Variants in NWD2 observed in about 807,000 individuals in gnomAD.
The protein encoded by NWD2 is NACHT and WD repeat domain-containing protein 2.
Under a neutral mutation model 132.7 loss-of-function variants are expected in NWD2, and 37 were observed. The observed-to-expected ratio is 0.28, with a 90% CI of 0.21 to 0.37. The LOEUF (loss-of-function observed/expected upper bound fraction) is 0.37. Ranked by LOEUF, NWD2 falls within the 10% of genes least tolerant of loss-of-function variation. The pLI, the probability that NWD2 is intolerant of heterozygous loss-of-function variation, is 1.00. For synonymous variants in NWD2, 705 were observed against 803.0 expected (o/e 0.88, Z 2.06); for missense variants, 1,592 against 2,122.4 (o/e 0.75, Z 4.91).
chr4:37,429,286 C>CTA (rs1053760999), intron 3 of NWD2, among the ~76,000 whole-genome samples: 1 of 151,978 alleles, frequency 6.6e-6, no homozygotes, highest in African/African-American at 2.4e-5. Context: ...TCTCTTTTCT[C>CTA]TATATATATA....
intron 1 of NWD2, among the ~76,000 whole-genome samples, chr4:37,284,904 G>C (rs962673623): frequency 6.6e-6 from 1 of 152,106 alleles, no homozygotes; most frequent in Admixed American, 6.5e-5. Flanking sequence ...GGATGCCTCC[G>C]TAGGGTACTT....
chr4:37,328,666 C>T (rs1194257904), intron 2 of NWD2, among the ~76,000 whole-genome samples: 2 of 152,040 alleles, frequency 1.3e-5, no homozygotes, highest in Admixed American at 1.3e-4. Flanking sequence ...TGGGTTGGTT[C>T]CAAGTCTTTG....
In NWD2 at chr4:37,448,235, G is replaced by A. The variant is rs1712691699; in HGVS notation, c.*1018G>A. 1 of 152,162 alleles carries A rather than the reference G, an allele frequency of 6.6e-6. No homozygotes were observed. The highest frequency in any genetic ancestry group is 2.4e-5 in the African/African-American group (1 of 41,436). 9.4% of individuals were successfully genotyped at this position (152,162 alleles called of 1,614,324 possible). On this transcript the variant is annotated 3_prime_UTR_variant, in exon 7 of 7. Transcript: ENST00000309447. ...ATTCCTTCTCTTTCCTGTGTAAAAT[G>A]CAGATAGATGACCAAATACTCTGGG...
chr4:37,430,422 C>T, intron 3 of NWD2, 150 bp from the exon 4 acceptor site: 2 of 626,208 alleles, frequency 3.2e-6, no homozygotes, highest in Non-Finnish European at 5.6e-6. Context: ...CTTAGGAAAT[C>T]AACTATCCAC....
intron 1 of NWD2, among the ~76,000 whole-genome samples, chr4:37,255,895 T>A (rs553456994): frequency 7.4e-4 from 112 of 152,248 alleles, no homozygotes; most frequent in African/African-American, 2.6e-3. Context: ...TGGCACGAGC[T>A]GTGGTTCCCA....
At chr4:37,322,659 CT>C (rs1438203374) in intron 1 of NWD2, among the ~76,000 whole-genome samples, 1 of 152,082 alleles carries the variant, frequency 6.6e-6, no homozygotes, top group African/African-American at 2.4e-5. Context: ...AAAAATCAGT[CT>C]GGTTGCTCCA....
intron 1 of NWD2, among the ~76,000 whole-genome samples, chr4:37,289,765 C>T (rs960457436): frequency 6.6e-6 from 1 of 152,106 alleles, no homozygotes. Context: ...GAACATTTTT[C>T]TCATCCCCCA....
intron 1 of NWD2, among the ~76,000 whole-genome samples, chr4:37,313,111 T>C (rs1718883329): frequency 6.6e-6 from 1 of 151,162 alleles, no homozygotes; most frequent in Non-Finnish European, 1.5e-5. Flanking sequence ...TGTCTCTTCC[T>C]GGCTTTGGTA....
intron 1 of NWD2, among the ~76,000 whole-genome samples, chr4:37,277,036 A>G (rs1718032801): frequency 6.6e-6 from 1 of 152,048 alleles, no homozygotes. Context: ...CTAGTGTTGA[A>G]TGACGAGTTA....
intron 3 of NWD2, among the ~76,000 whole-genome samples, chr4:37,382,166 A>G (rs1240682049): frequency 2.0e-5 from 3 of 152,228 alleles, no homozygotes; most frequent in Non-Finnish European, 4.4e-5. Flanking sequence ...GCATACTTGT[A>G]TTTCGCAAAT....
intron 3 of NWD2, among the ~76,000 whole-genome samples, chr4:37,393,558 T>C (rs1018127044): frequency 2.0e-5 from 3 of 152,170 alleles, no homozygotes; most frequent in African/African-American, 7.2e-5. Context: ...TGGATGCAAC[T>C]ACTACCACAG....
chr4:37,432,785 G>A (rs769904049), intron 4 of NWD2, among the ~76,000 whole-genome samples: 5 of 152,258 alleles, frequency 3.3e-5, no homozygotes, highest in South Asian at 2.1e-4. Context: ...TCATGGAAAC[G>A]TTATTATCTA....
rs1296554391 is a variant in NWD2, at chr4:37,443,326, C to T, written c.1338C>T (p.Asp446=). The T allele has an allele frequency of 1.3e-6, 2 of 1,551,656 alleles. No individual in the cohort carries two copies. Among genetic ancestry groups the T allele is most frequent in the Non-Finnish European group, 1.7e-6 (2 of 1,146,974 alleles). Residue 446 remains aspartate, a synonymous_variant, in exon 7 of 7, where the codon GAC becomes GAT. Transcript: ENST00000309447. This position sits in a 1 kb window ranked among gnomAD's most constrained non-coding sequence, Gnocchi z 4.1. ...ATGAGGACACAGGACCAGAATCTGA[C>T]CCAGTAGTCATCGTGAGATTTCTAG... is the stretch of plus-strand genomic sequence containing the variant. ...WLHEDTGPES[D]PVVIVRFLGT...
chr4:37,322,033 C>T (rs1411177805), intron 1 of NWD2, among the ~76,000 whole-genome samples: 2 of 152,124 alleles, frequency 1.3e-5, no homozygotes, highest in East Asian at 3.8e-4. Context: ...TTAAACCCAT[C>T]GAATGATGAA....
At chr4:37,259,443 A>G (rs1177484530) in intron 1 of NWD2, among the ~76,000 whole-genome samples, 1 of 152,192 alleles carries the variant, frequency 6.6e-6, no homozygotes, top group Non-Finnish European at 1.5e-5. Flanking sequence ...ATTTTTAAAT[A>G]CCTAAGAAAC....
At chr4:37,440,496 A>G (rs1712452557) in intron 6 of NWD2, among the ~76,000 whole-genome samples, 1 of 152,126 alleles carries the variant, frequency 6.6e-6, no homozygotes, top group Non-Finnish European at 1.5e-5. Context: ...AGATGCCTGT[A>G]TCCCCAAGCT....
intron 1 of NWD2, among the ~76,000 whole-genome samples, chr4:37,264,388 G>T (rs1489983145): frequency 6.6e-6 from 1 of 151,994 alleles, no homozygotes; most frequent in Non-Finnish European, 1.5e-5. Flanking sequence ...TCCTGAAGTT[G>T]TTTTGCTTAT....
rs912879238 is a variant in NWD2, at chr4:37,438,951, C to T, written c.857C>T (p.Pro286Leu). The T allele has an allele frequency of 6.4e-6, 10 of 1,551,760 alleles. No homozygotes were observed. In the African/African-American group the frequency reaches 6.9e-5, roughly 11 times the overall value. Reference sequence around the variant, plus strand: ...TACATGGATATAACTGGAACAGAACCGAGGATTATTCGGGACCCAGAAGCC... The same window carrying T: ...TACATGGATATAACTGGAACAGAACTGAGGATTATTCGGGACCCAGAAGCC... ...GKYMDITGTEPRIIRDPEAQE... is the reference protein window; with the variant it reads ...GKYMDITGTELRIIRDPEAQE... The change falls in exon 6 of 7, where the codon CCG becomes CTG. Residue 286 changes from proline (P) to leucine (L), a missense_variant. Pro to Leu is a moderately conservative substitution (Grantham distance 98). Around this residue, in one of 7 missense-constraint regions of NWD2, gnomAD observed 1,071 missense variants for 1,398.0 expected, o/e 0.77. Coordinates refer to ENST00000309447, the MANE Select transcript of NWD2 (RefSeq NM_001144990.2).
chr4:37,390,997 A>G (rs758979500), intron 3 of NWD2, among the ~76,000 whole-genome samples: 2 of 152,230 alleles, frequency 1.3e-5, no homozygotes, highest in Non-Finnish European at 2.9e-5. Flanking sequence ...AGTTCATTAA[A>G]ATTAGATTCT....
Sources: allele counts gnomAD v4.1 joint callset (sites outside exome capture counted in the v4.1 genomes callset), GRCh38; gene constraint gnomAD v4.1.1; regional missense constraint gnomAD v4.1.1; non-coding constraint Gnocchi (gnomAD v3.1); transcripts MANE v1.5; gene names NCBI Gene and HGNC (gene_info 2026-07-23, HGNC 2026-07-21).